GOLGA3: variants seen among roughly 807,000 people sequenced by gnomAD.
The protein encoded by GOLGA3 is golgin A3.
Under a neutral mutation model 169.4 loss-of-function variants are expected in GOLGA3, and 75 were observed. The observed-to-expected ratio is 0.44, with a 90% confidence interval of 0.37 to 0.54. The LOEUF (loss-of-function observed/expected upper bound fraction) is 0.54. Ranked by LOEUF, GOLGA3 falls within the 20% of genes least tolerant of loss-of-function variation. GOLGA3 has a pLI of 0.00. For synonymous variants in GOLGA3, 824 were observed against 822.4 expected (o/e 1.00, Z -0.03); for missense variants, 1,899 against 1,930.0 (o/e 0.98, Z 0.30).
At chr12:132,775,117 C>T (rs376079097) in intron 22 of GOLGA3, 24 bp downstream of exon 22, 13 of 1,605,420 alleles carry the variant, frequency 8.1e-6, no homozygotes, top group East Asian at 2.2e-5. Context: ...TCGGCTACCC[C>T]GGGAGGGACG....
chr12:132,769,877 G>C lies in GOLGA3; in HGVS notation c.*3228C>G, dbSNP rs1352344102. Reference sequence around the variant, plus strand: ...TTATGCACTGAAGTAACTCTGGAAGGTAGAAGTGCCGGGAGAGTCCCTTGG... The same window carrying C: ...TTATGCACTGAAGTAACTCTGGAAGCTAGAAGTGCCGGGAGAGTCCCTTGG... On this transcript the variant is annotated 3_prime_UTR_variant, in exon 24 of 24. Transcript: ENST00000450791. The C allele has an allele frequency of 1.3e-5, 2 of 152,150 alleles. No individual in the cohort carries two copies. Among genetic ancestry groups the C allele is most frequent in the African/African-American group, 4.8e-5 (2 of 41,410 alleles). 9.4% of individuals were successfully genotyped at this position (152,150 alleles called of 1,614,324 possible).
At chr12:132,797,115 C>G (rs1948885151) in intron 9 of GOLGA3, among the ~76,000 whole-genome samples, 1 of 152,234 alleles carries the variant, frequency 6.6e-6, no homozygotes, top group Admixed American at 6.5e-5. Context: ...ACACAAATTC[C>G]TAACTTGAAA....
At chr12:132,812,247 T>C (rs1949758101) in intron 4 of GOLGA3, among the ~76,000 whole-genome samples, 1 of 151,100 alleles carries the variant, frequency 6.6e-6, no homozygotes, top group Non-Finnish European at 1.5e-5. Flanking sequence ...TAACTGCTCA[T>C]TGACAATACG....
In GOLGA3 at chr12:132,786,734, C is replaced by A. The variant is rs376410836; in HGVS notation, c.2865G>T (p.Ala955=). ...QMVAVTEANE[A]LKKQIEELQQ... is the part of the protein sequence containing the mutation. ...GCAACTCTTCGATTTGTTTCTTCAG[C>A]GCCTCATTGGCCTCTGTGACCGCGA... Residue 955 remains alanine (A), a synonymous_variant, in exon 14 of 24, where the codon GCG becomes GCT. Transcript: ENST00000450791. 1 of 1,612,622 alleles carries A rather than the reference C, an allele frequency of 6.2e-7. No individual in the cohort carries two copies. Among genetic ancestry groups the A allele is most frequent in the Non-Finnish European group, 8.5e-7 (1 of 1,179,606 alleles).
chr12:132,791,259 T>C lies in GOLGA3; in HGVS notation c.2504A>G (p.Lys835Arg). The C allele has an allele frequency of 6.2e-7, 1 of 1,609,522 alleles. No homozygotes were observed. Residue 835 changes from lysine to arginine, a missense_variant, in exon 12 of 24, where the codon AAA (lysine) becomes AGA (arginine). Coordinates refer to ENST00000450791, the MANE Select transcript of GOLGA3 (RefSeq NM_001389683.1). ...TTCCTTTATTTTTTGCATTTGCTTT[T>C]TCAGAGCAGCAGTCTCCTGCTGCAG... ...EHLQQETAALKKQMQKIKEQF... is the reference protein window; with the variant it reads ...EHLQQETAALRKQMQKIKEQF...
At chr12:132,821,647 G>T (rs975559550) in intron 2 of GOLGA3, among the ~76,000 whole-genome samples, 1 of 151,934 alleles carries the variant, frequency 6.6e-6, no homozygotes, top group African/African-American at 2.4e-5. Context: ...GAAGTCAGGA[G>T]ATCGAGACCA....
In GOLGA3 at chr12:132,777,472, G is replaced by A. The variant is rs1363123404; in HGVS notation, c.3722+194C>T. On this transcript the variant is annotated intron_variant, in intron 19 of 23. Coordinates refer to ENST00000450791, the MANE Select transcript of GOLGA3 (RefSeq NM_001389683.1). The surrounding 1 kb of genome is among the most constrained non-coding windows in gnomAD (Gnocchi z 4.7). ...CTGCTGGGGCGCTTTCTCTCTTGGGGGGAGGACACGGGGCAGTGAGTGAGG... is the reference window on the plus strand; with the variant it reads ...CTGCTGGGGCGCTTTCTCTCTTGGGAGGAGGACACGGGGCAGTGAGTGAGG... Among the ~76,000 whole-genome samples, 2 of 152,234 alleles carry A rather than the reference G, an allele frequency of 1.3e-5. No homozygotes were observed. Among genetic ancestry groups the A allele is most frequent in the Non-Finnish European group, 2.9e-5 (2 of 68,046 alleles).
chr12:132,779,973 G>A (rs534326486), intron 18 of GOLGA3, among the ~76,000 whole-genome samples: 5 of 102,170 alleles, frequency 4.9e-5, no homozygotes, highest in Admixed American at 4.2e-4. Context: ...ACCCTTCCAC[G>A]CACAGCCCGC....
chr12:132,776,994 G>A lies in GOLGA3; in HGVS notation c.3819C>T (p.Asp1273=), dbSNP rs146698462. Residue 1273 remains aspartate (D), a synonymous_variant, in exon 20 of 24, where the codon GAC becomes GAT. Transcript: ENST00000450791. ...CCACGGGCTGTTTGCTGAGCTGCTCGTCCAGCTGCTTCTGCAGGAGCTGGA... is the reference window on the plus strand; with the variant it reads ...CCACGGGCTGTTTGCTGAGCTGCTCATCCAGCTGCTTCTGCAGGAGCTGGA... The part of the protein sequence containing the change: ...AQLQLLQKQL[D]EQLSKQPVGN... 94 of 1,609,386 alleles carry A rather than the reference G, an allele frequency of 5.8e-5. 2 individuals carry two copies. The East Asian group carries it at 1.1e-3, about 19-fold the overall frequency.
intron 18 of GOLGA3, among the ~76,000 whole-genome samples, chr12:132,779,750 C>T (rs898867784): frequency 1.4e-5 from 2 of 140,574 alleles, no homozygotes; most frequent in African/African-American, 2.6e-5. Flanking sequence ...TGCGCACACA[C>T]ACCACAGCCC....
chr12:132,797,082 T>C (rs1310075059), intron 9 of GOLGA3, among the ~76,000 whole-genome samples: 1 of 152,242 alleles, frequency 6.6e-6, no homozygotes, highest in Non-Finnish European at 1.5e-5. Context: ...CAGCCTCACA[T>C]CGGGGTACAC....
chr12:132,822,679 G>A (rs1438322217), intron 1 of GOLGA3, among the ~76,000 whole-genome samples: 2 of 152,168 alleles, frequency 1.3e-5, no homozygotes, highest in Non-Finnish European at 2.9e-5. Context: ...CCAGCACTTT[G>A]GGAGGCCGAG....
intron 15 of GOLGA3, among the ~76,000 whole-genome samples, chr12:132,784,921 G>A (rs1056560787): frequency 4.6e-5 from 7 of 152,146 alleles, no homozygotes; most frequent in African/African-American, 9.7e-5. Context: ...ACACATGCAC[G>A]GATACATGCA....
chr12:132,775,373 G>C, intron 21 of GOLGA3, 68 bp from the exon 22 acceptor site: 2 of 1,403,200 alleles, frequency 1.4e-6, no homozygotes, highest in Non-Finnish European at 2.0e-6. Context: ...ATCCGAGTTT[G>C]TATTTTCATA....
intron 15 of GOLGA3, among the ~76,000 whole-genome samples, chr12:132,785,639 G>C (rs188045456): frequency 6.6e-6 from 1 of 152,170 alleles, no homozygotes; most frequent in African/African-American, 2.4e-5. Flanking sequence ...AAAACCCCAC[G>C]TTATGATACA....
Position 132,776,676 on chromosome 12 carries a change from C to A in GOLGA3, c.3936G>T (p.Gln1312His). The change falls in exon 21 of 24, where the codon CAG (glutamine) becomes CAT (histidine). Residue 1312 changes from glutamine to histidine, a missense_variant. Physicochemically the swap from Gln to His is conservative, Grantham distance 24 (BLOSUM62 0). Transcript: ENST00000450791. ...GCCCTTCCAGTTCCTTCCTGCCCTG[C>A]TGCTCCGTCAAGTCCAGCTGCTGCT... Reference protein sequence around the residue: ...SLKQQLDLTEQQGRKELEGLQ... With the variant: ...SLKQQLDLTEHQGRKELEGLQ... 1 of 1,614,072 alleles carries A rather than the reference C, an allele frequency of 6.2e-7. No individual in the cohort carries two copies. The highest frequency in any genetic ancestry group is 8.5e-7 in the Non-Finnish European group (1 of 1,180,014).
rs766408381 is a variant in GOLGA3, at chr12:132,772,231, T to G, written c.*874A>C. 6.6e-6 allele frequency: 1 copy of G among 152,206 alleles called. No individual in the cohort carries two copies. The highest frequency in any genetic ancestry group is 1.5e-5 in the Non-Finnish European group (1 of 68,036). The allele number at this position is 152,206 out of a possible 1,614,324, so 9.4% of individuals were successfully genotyped here. On this transcript the variant is annotated 3_prime_UTR_variant, in exon 24 of 24. Coordinates refer to ENST00000450791, the MANE Select transcript of GOLGA3 (RefSeq NM_001389683.1). ...ATAAGTAGGTTCTTCTTCAATAACA[T>G]GAGCATATGCTTCTTAAAGACTGGG...
chr12:132,808,273 G>C lies in GOLGA3; in HGVS notation c.796C>G (p.Pro266Ala). Residue 266 changes from proline (P) to alanine (A), a missense_variant, in exon 5 of 24, where the codon CCC (proline) becomes GCC (alanine). Transcript: ENST00000450791. ...AGNSGGNVPA[P>A]DSTKGSLKQN... Reference sequence around the variant, plus strand: ...TTCAGGGAACCCTTGGTAGAATCGGGAGCCGGGACATTTCCCCCAGAATTC... The same window carrying C: ...TTCAGGGAACCCTTGGTAGAATCGGCAGCCGGGACATTTCCCCCAGAATTC... The C allele has an allele frequency of 1.2e-6, 2 of 1,614,084 alleles. No individual in the cohort carries two copies. The highest frequency in any genetic ancestry group is 1.6e-4 in the Middle Eastern group (1 of 6,062).
intron 23 of GOLGA3, 25 bp downstream of exon 23, chr12:132,774,132 A>C: frequency 6.5e-7 from 1 of 1,543,508 alleles, no homozygotes. Flanking sequence ...GACTAGCTGA[A>C]GTGCAGCACG....
Sources: allele counts gnomAD v4.1 joint callset (sites outside exome capture counted in the v4.1 genomes callset), GRCh38; gene constraint gnomAD v4.1.1; non-coding constraint Gnocchi (gnomAD v3.1); transcripts MANE v1.5; gene names NCBI Gene and HGNC (gene_info 2026-07-23, HGNC 2026-07-21).